The following DOCK11 variants were observed in gnomAD, a reference collection of about 807,000 sequenced individuals.
The protein encoded by DOCK11 is dedicator of cytokinesis 11, also known as dedicator of cytokinesis protein 11.
DOCK11 carries 70 observed loss-of-function variants against 169.1 expected under a neutral mutation model. The ratio of observed to expected loss-of-function variants is 0.41; its 90% CI spans 0.34 to 0.51. The LOEUF is 0.51. Among genes scored for constraint, DOCK11 ranks in the 20% least tolerant of loss-of-function variants. DOCK11 has a pLI of 0.10. For missense variants in DOCK11, 1,166 were observed against 1,538.8 expected, an observed-to-expected ratio of 0.76 and a Z score of 4.05; for synonymous variants, 529 against 541.3, an observed-to-expected ratio of 0.98 and a Z score of 0.32.
At chrX:118,553,543 C>T (rs2012575681) in intron 6 of DOCK11, among the ~76,000 whole-genome samples, 1 of 111,388 alleles carries the variant, frequency 9.0e-6, no homozygotes, top group African/African-American at 3.3e-5. Context: ...ATGTATGACT[C>T]ACTTCTAGTG....
chrX:118,560,043 C>T (rs2012852627), intron 6 of DOCK11, among the ~76,000 whole-genome samples: 4 of 110,415 alleles, frequency 3.6e-5, no homozygotes, highest in African/African-American at 3.3e-5. Flanking sequence ...GGCCCCTTCC[C>T]GAGATAGAAG....
intron 31 of DOCK11, among the ~76,000 whole-genome samples, chrX:118,623,521 A>ATC (rs1222582149): frequency 8.9e-6 from 1 of 112,980 alleles, no homozygotes; most frequent in African/African-American, 3.2e-5. Context: ...TATGCACATC[A>ATC]GCATCATCTG....
At chrX:118,667,479 C>T (rs1427364664) in intron 45 of DOCK11, among the ~76,000 whole-genome samples, 1 of 107,037 alleles carries the variant, frequency 9.3e-6, no homozygotes, top group Middle Eastern at 4.7e-3. Context: ...CCTTTTGTCA[C>T]GTTGAATTTA....
At chrX:118,545,416 G>A (rs750984280) in intron 5 of DOCK11, 24 bp downstream of exon 5, 6 of 1,100,971 alleles carry the variant, frequency 5.4e-6, no homozygotes, top group South Asian at 4.1e-5. Flanking sequence ...CAACAGTTGG[G>A]GTAACTGTGC....
At chrX:118,600,632 T>G (rs1007319393) in intron 23 of DOCK11, among the ~76,000 whole-genome samples, 2 of 110,944 alleles carry the variant, frequency 1.8e-5, no homozygotes, top group African/African-American at 6.6e-5. Context: ...TCTCATATGG[T>G]AATAACTGTT....
At chrX:118,563,626 A>G (rs1371668761) in intron 7 of DOCK11, among the ~76,000 whole-genome samples, 4 of 109,192 alleles carry the variant, frequency 3.7e-5, no homozygotes, top group Non-Finnish European at 7.6e-5. Context: ...TGGAAGAACG[A>G]GGCACACACA....
intron 35 of DOCK11, among the ~76,000 whole-genome samples, chrX:118,631,123 A>G (rs1018676994): frequency 5.4e-5 from 6 of 110,979 alleles, no homozygotes; most frequent in Non-Finnish European, 1.1e-4. Context: ...TCCAAATACC[A>G]CATTTACTTA....
intron 32 of DOCK11, among the ~76,000 whole-genome samples, chrX:118,626,395 CA>C (rs1283017028): frequency 7.2e-5 from 8 of 111,257 alleles, no homozygotes; most frequent in Admixed American, 6.7e-4. Context: ...CTTTCGTGGT[CA>C]CCCCTTTTCC....
chrX:118,512,051 C>T (rs139297810), intron 1 of DOCK11, among the ~76,000 whole-genome samples: 5,587 of 111,895 alleles, frequency 0.05, 139 homozygotes, highest in Non-Finnish European at 0.074. Context: ...GTAGCTGGGA[C>T]TACAGGCGCA....
chrX:118,522,148 G>A (rs1217261008), intron 1 of DOCK11, among the ~76,000 whole-genome samples: 4 of 110,828 alleles, frequency 3.6e-5, no homozygotes, highest in African/African-American at 9.9e-5. Context: ...GCAAAACCCC[G>A]TCTCTACTAA....
chrX:118,683,771 T>C, intron 52 of DOCK11, among the ~76,000 whole-genome samples: 1 of 112,378 alleles, frequency 8.9e-6, no homozygotes, highest in Non-Finnish European at 1.9e-5. Context: ...TATAAAATTT[T>C]GTTTTCCTTT....
At chrX:118,678,991 T>A (rs372707572) in intron 48 of DOCK11, among the ~76,000 whole-genome samples, 81 of 110,952 alleles carry the variant, frequency 7.3e-4, no homozygotes, top group African/African-American at 2.6e-3. Flanking sequence ...GGGGTCTCAC[T>A]ATGTTGCCCA....
intron 1 of DOCK11, among the ~76,000 whole-genome samples, chrX:118,529,597 C>A (rs2011461006): frequency 8.9e-6 from 1 of 111,921 alleles, no homozygotes; most frequent in African/African-American, 3.3e-5. Flanking sequence ...AAGACAACGA[C>A]ACTACAATCA....
chrX:118,667,513 C>A (rs1285381626), intron 45 of DOCK11, among the ~76,000 whole-genome samples: 1 of 108,181 alleles, frequency 9.2e-6, no homozygotes, highest in Non-Finnish European at 1.9e-5. Flanking sequence ...GTCAAAAGTT[C>A]GGTTTTTCAT....
chrX:118,566,970 CA>C (rs1385509675), intron 9 of DOCK11, among the ~76,000 whole-genome samples: 2 of 111,633 alleles, frequency 1.8e-5, no homozygotes, highest in Non-Finnish European at 3.8e-5. Flanking sequence ...ATTCTTCTTC[CA>C]AAAGGATAAT....
rs1423564176 is a variant in DOCK11 at position 118,648,572 on chromosome X, CAT to C, written c.4399-365_4399-364del. ...TAACATAAATTATATATATTATATA[CAT>C]ATATATAAATATATAATATATATAA... is the stretch of plus-strand genomic sequence containing the variant. On this transcript the variant is annotated intron_variant, in intron 40 of 52. Transcript: ENST00000276202. 5.0e-4 allele frequency among the ~76,000 whole-genome samples: 44 copies of C among 87,201 alleles called. 1 individual carries two copies. The highest frequency in any genetic ancestry group is 7.6e-4 in the African/African-American group (18 of 23,824). The allele number at this position is 87,201 out of a possible 115,157, so 75.7% of individuals were successfully genotyped here. A position where few individuals can be genotyped will look rare whatever the true frequency, so the allele number is the denominator to read the frequency against.
At position 118,542,851 on chromosome X, in the gene DOCK11, C is replaced by T. The variant is rs748717335; in HGVS notation, c.219+10C>T. The T allele has an allele frequency of 8.4e-7, 1 of 1,197,352 alleles. No homozygotes were observed. The highest frequency in any genetic ancestry group is 1.1e-6 in the Non-Finnish European group (1 of 883,698). ...AATGGAAGATATATCTGTGAGTTCA[C>T]AAACACTTCTTTAAAGAAAAAAACC... On this transcript the variant is annotated intron_variant, in intron 2 of 52. Transcript: ENST00000276202.
At chrX:118,613,821 GTCTCTC>G (rs757060392) in intron 28 of DOCK11, among the ~76,000 whole-genome samples, 1 of 111,393 alleles carries the variant, frequency 9.0e-6, no homozygotes, top group African/African-American at 3.3e-5. Context: ...GACTCTGCCT[GTCTCTC>G]TCTCTCTCTC....
At chrX:118,675,682 G>A (rs918202076) in intron 46 of DOCK11, among the ~76,000 whole-genome samples, 3 of 109,068 alleles carry the variant, frequency 2.8e-5, no homozygotes, top group African/African-American at 1.0e-4. Context: ...TTCTGCACAT[G>A]TATCCCCCCT....
Sources: gnomAD v4.1 joint callset for allele counts (sites outside exome capture counted in the v4.1 genomes callset) on GRCh38, gnomAD v4.1.1 for gene constraint, MANE v1.5 for transcripts, NCBI Gene and HGNC (gene_info 2026-07-23, HGNC 2026-07-21) for gene names.